Variants in RGS8 observed in about 807,000 individuals in gnomAD.
RGS8 encodes the protein regulator of G-protein signaling 8.
In RGS8, 8 loss-of-function variants were observed where a neutral mutation model predicts 21.7. The observed-to-expected ratio is 0.37, with a 90% CI of 0.22 to 0.66. The LOEUF (loss-of-function observed/expected upper bound fraction) is 0.66, where lower values mean the gene tolerates loss of function less well. Among genes scored for constraint, RGS8 ranks in the 30% least tolerant of loss-of-function variants. The pLI, the probability that RGS8 is intolerant of heterozygous loss-of-function variation, is 0.59. For synonymous variants in RGS8, 80 were observed against 83.6 expected (o/e 0.96, Z 0.24); for missense variants, 157 against 217.9 (o/e 0.72, Z 1.76).
chr1:182,742,355 G>A, the RGS8 span, among the ~76,000 whole-genome samples: 3 of 151,896 alleles, frequency 2.0e-5, no homozygotes, highest in Non-Finnish European at 4.4e-5. Context: ...GGCAGAGGCT[G>A]CAATCTCGGC....
At chr1:182,703,496 T>A in the RGS8 span, among the ~76,000 whole-genome samples, 3 of 152,226 alleles carry the variant, frequency 2.0e-5, no homozygotes, top group Non-Finnish European at 4.4e-5. Context: ...CTTTTGTTTT[T>A]GTGTCTTCAA....
intron 1 of RGS8, among the ~76,000 whole-genome samples, chr1:182,678,828 G>A (rs768892014): frequency 3.3e-5 from 5 of 152,194 alleles, no homozygotes; most frequent in Non-Finnish European, 7.3e-5. Flanking sequence ...GGAAGGTAGA[G>A]TGGAGAGAGA....
the RGS8 span, among the ~76,000 whole-genome samples, chr1:182,708,494 A>C: frequency 2.6e-5 from 4 of 152,264 alleles, no homozygotes; most frequent in South Asian, 4.1e-4. Flanking sequence ...ATAATGGCTC[A>C]GACAAGGGGT....
the RGS8 span, among the ~76,000 whole-genome samples, chr1:182,716,126 GT>G: frequency 3.3e-4 from 48 of 146,154 alleles, no homozygotes; most frequent in Non-Finnish European, 2.6e-4. Flanking sequence ...CTGTTTTTTG[GT>G]TTTTTTTTTT....
At chr1:182,702,993 T>C in the RGS8 span, among the ~76,000 whole-genome samples, 1 of 152,206 alleles carries the variant, frequency 6.6e-6, no homozygotes, top group Non-Finnish European at 1.5e-5. Flanking sequence ...ACTTGGATTG[T>C]TTCCAGTAAG....
At chr1:182,743,923 C>T in the RGS8 span, among the ~76,000 whole-genome samples, 1 of 152,076 alleles carries the variant, frequency 6.6e-6, no homozygotes, top group Non-Finnish European at 1.5e-5. Context: ...GTTCCTTATC[C>T]TGCTTTATTT....
the RGS8 span, among the ~76,000 whole-genome samples, chr1:182,737,580 C>T: frequency 1.8e-4 from 27 of 152,272 alleles, no homozygotes; most frequent in African/African-American, 2.4e-4. Context: ...GCATGTAAGA[C>T]GTGCTTTTGC....
At chr1:182,724,704 C>T in the RGS8 span, among the ~76,000 whole-genome samples, 2 of 151,984 alleles carry the variant, frequency 1.3e-5, no homozygotes, top group East Asian at 3.9e-4. Flanking sequence ...ATTACAGGCG[C>T]CTGCCACCAC....
upstream of RGS8, chr1:182,672,772 C>G (rs1386897419): frequency 6.2e-7 from 1 of 1,610,666 alleles, no homozygotes; most frequent in Admixed American, 1.7e-5. Context: ...CACATGATCC[C>G]TATTTTTCTG....
chr1:182,659,817 C>CA (rs11333622), intron 5 of RGS8, among the ~76,000 whole-genome samples: 31 of 150,606 alleles, frequency 2.1e-4, no homozygotes, highest in East Asian at 3.9e-4. Flanking sequence ...CAGGGACTCA[C>CA]AAAAAAAAAA....
chr1:182,687,120 T>C (rs1271448666), upstream of RGS8, among the ~76,000 whole-genome samples: 2 of 152,116 alleles, frequency 1.3e-5, no homozygotes, highest in Non-Finnish European at 1.5e-5. Context: ...AGAGTACTTA[T>C]TAAAATATGG....
chr1:182,651,245 G>A (rs1317386015), intron 5 of RGS8, among the ~76,000 whole-genome samples: 1 of 152,232 alleles, frequency 6.6e-6, no homozygotes. Context: ...CTGAACTTAT[G>A]ATGGAGGTAT....
upstream of RGS8, chr1:182,672,707 C>A (rs926745394): frequency 9.3e-6 from 12 of 1,289,688 alleles, no homozygotes; most frequent in Middle Eastern, 1.8e-4. Flanking sequence ...TAGCAACTTC[C>A]CCCTACTTGC....
the RGS8 span, among the ~76,000 whole-genome samples, chr1:182,747,851 A>AAG: frequency 3.0e-4 from 45 of 151,856 alleles, no homozygotes; most frequent in Admixed American, 9.2e-4. Flanking sequence ...AAAATACGAA[A>AAG]AAAAAAAAAA....
upstream of RGS8, chr1:182,672,979 T>C: frequency 1.2e-6 from 1 of 859,300 alleles, no homozygotes; most frequent in East Asian, 2.5e-5. Context: ...CCCCTAGACC[T>C]ACAGAATCAG....
the RGS8 span, among the ~76,000 whole-genome samples, chr1:182,714,860 A>G: frequency 6.6e-6 from 1 of 152,228 alleles, no homozygotes. Flanking sequence ...TTGGACCCAT[A>G]TGAAAAACTG....
chr1:182,649,497 T>C (rs1662891206), intron 5 of RGS8, among the ~76,000 whole-genome samples: 1 of 151,596 alleles, frequency 6.6e-6, no homozygotes, highest in South Asian at 2.1e-4. Context: ...ATATTGCCTA[T>C]CAAATTATGT....
intron 2 of RGS8, 35 bp downstream of exon 3, chr1:182,671,622 C>T (rs374998126): frequency 2.6e-5 from 41 of 1,587,998 alleles, no homozygotes; most frequent in African/African-American, 4.1e-5. Context: ...ACAGACACCC[C>T]GGAGAAGAAA....
the RGS8 span, among the ~76,000 whole-genome samples, chr1:182,747,494 T>C: frequency 2.0e-5 from 3 of 152,184 alleles, 1 homozygote; most frequent in Non-Finnish European, 4.4e-5. Flanking sequence ...ACTATCTTAA[T>C]GGGTATATTG....
Sources: gnomAD v4.1 joint callset for allele counts (sites outside exome capture counted in the v4.1 genomes callset) on GRCh38, gnomAD v4.1.1 for gene constraint, MANE v1.5 for transcripts, NCBI Gene and HGNC (gene_info 2026-07-23, HGNC 2026-07-21) for gene names.